ADAMTSL1: variants seen among roughly 807,000 people sequenced by gnomAD.
ADAMTSL1 encodes the protein ADAMTS-like protein 1.
Under a neutral mutation model 201.8 loss-of-function variants are expected in ADAMTSL1, and 126 were observed. That is an observed-to-expected ratio of 0.62 (90% CI 0.54 to 0.72). The LOEUF is 0.72. Among genes scored for constraint, ADAMTSL1 ranks in the 30% least tolerant of loss-of-function variants. The pLI is 0.00. For missense variants in ADAMTSL1, 2,679 were observed against 2,277.8 expected, an observed-to-expected ratio of 1.18 and a Z score of -3.59; for synonymous variants, 1,121 against 903.4, an observed-to-expected ratio of 1.24 and a Z score of -4.32.
At chr9:18,760,886 A>G (rs993642269) in intron 16 of ADAMTSL1, among the ~76,000 whole-genome samples, 9 of 152,108 alleles carry the variant, frequency 5.9e-5, no homozygotes, top group African/African-American at 1.7e-4. Context: ...AGCTTCCCTA[A>G]TTTTCCCAGA....
chr9:18,573,229 C>G (rs949069337), intron 3 of ADAMTSL1: 2 of 154,154 alleles, frequency 1.3e-5, no homozygotes, highest in Non-Finnish European at 2.9e-5. Context: ...TAATAGCTAC[C>G]ATCTACTCAG....
intron 1 of ADAMTSL1, among the ~76,000 whole-genome samples, chr9:17,964,916 G>T (rs1362487669): frequency 6.6e-6 from 1 of 151,950 alleles, no homozygotes; most frequent in Non-Finnish European, 1.5e-5. Context: ...TGTCGCCCAG[G>T]CTAGAGTGCA....
At chr9:18,339,819 T>A (rs987740010) in intron 2 of ADAMTSL1, among the ~76,000 whole-genome samples, 5 of 152,134 alleles carry the variant, frequency 3.3e-5, no homozygotes, top group Non-Finnish European at 7.4e-5. Flanking sequence ...TCTTCAAGAT[T>A]GTCTCATTGT....
intron 2 of ADAMTSL1, among the ~76,000 whole-genome samples, chr9:18,222,673 T>C (rs1022692354): frequency 2.0e-5 from 3 of 151,580 alleles, no homozygotes; most frequent in African/African-American, 7.2e-5. Context: ...CCATTCCTTT[T>C]TTCTTTTTAA....
At chr9:18,227,550 A>G (rs564245817) in intron 2 of ADAMTSL1, among the ~76,000 whole-genome samples, 57 of 152,320 alleles carry the variant, frequency 3.7e-4, no homozygotes, top group African/African-American at 1.1e-3. Context: ...CCTAGCTTAC[A>G]TACATCTAGG....
intron 20 of ADAMTSL1, among the ~76,000 whole-genome samples, chr9:18,809,121 G>A (rs781163268): frequency 1.3e-4 from 20 of 152,288 alleles, no homozygotes; most frequent in Admixed American, 2.0e-4. Flanking sequence ...GGGCTGGGGG[G>A]AGATACACAA....
chr9:18,399,996 T>C (rs1208685499), intron 2 of ADAMTSL1, among the ~76,000 whole-genome samples: 1 of 152,190 alleles, frequency 6.6e-6, no homozygotes, highest in Non-Finnish European at 1.5e-5. Flanking sequence ...GTGATAGTGC[T>C]ATAGTGTGTC....
At chr9:18,422,104 C>A (rs1162714330) in intron 2 of ADAMTSL1, among the ~76,000 whole-genome samples, 1 of 152,104 alleles carries the variant, frequency 6.6e-6, no homozygotes, top group Non-Finnish European at 1.5e-5. Context: ...CTTCATTTCT[C>A]CCTGGTCTCC....
chr9:18,294,150 C>T (rs1043928580), intron 2 of ADAMTSL1, among the ~76,000 whole-genome samples: 20 of 152,130 alleles, frequency 1.3e-4, no homozygotes, highest in Non-Finnish European at 5.9e-5. Context: ...AATTGCCAAC[C>T]TAAAATTTCA....
chr9:18,539,805 A>G (rs1169803952), intron 3 of ADAMTSL1, among the ~76,000 whole-genome samples: 1 of 152,186 alleles, frequency 6.6e-6, no homozygotes, highest in Non-Finnish European at 1.5e-5. Context: ...AGTTATATGC[A>G]TTGTTTTTTC....
At position 18,723,121 on chromosome 9, in the gene ADAMTSL1, G is replaced by A. The variant is rs191894061; in HGVS notation, c.2006+1456G>A. 1,287 of 761,550 alleles carry A rather than the reference G, an allele frequency of 1.7e-3. 8 individuals carry two copies. In the African/African-American group the frequency reaches 0.019, roughly 11 times the overall value. 47.2% of individuals were successfully genotyped at this position (761,550 alleles called of 1,614,324 possible). A position where few individuals can be genotyped will look rare whatever the true frequency, so the allele number is the denominator to read the frequency against. ...TCACCAACTAGCTCTGTGGCCTAGG[G>A]CGAGGTGTCTGCCCTTTATGTTTCC... On this transcript the variant is annotated intron_variant, in intron 15 of 28. Transcript: ENST00000380548.
At chr9:18,632,451 A>C (rs1418696103) in intron 5 of ADAMTSL1, among the ~76,000 whole-genome samples, 1 of 152,208 alleles carries the variant, frequency 6.6e-6, no homozygotes, top group Non-Finnish European at 1.5e-5. Flanking sequence ...TTAGGTATAC[A>C]CGGGGTTAAA....
chr9:18,868,349 A>G (rs539308127), intron 23 of ADAMTSL1, among the ~76,000 whole-genome samples: 1 of 152,096 alleles, frequency 6.6e-6, no homozygotes, highest in Admixed American at 6.5e-5. Flanking sequence ...TTCCTCCTTG[A>G]CTTGTCGAGT....
At chr9:18,027,398 T>A (rs1820748604) in intron 1 of ADAMTSL1, among the ~76,000 whole-genome samples, 1 of 151,912 alleles carries the variant, frequency 6.6e-6, no homozygotes, top group African/African-American at 2.4e-5. Flanking sequence ...TCCCAGAGAT[T>A]TTGTATATTG....
At chr9:18,539,574 C>T (rs1028912842) in intron 3 of ADAMTSL1, among the ~76,000 whole-genome samples, 1 of 152,180 alleles carries the variant, frequency 6.6e-6, no homozygotes, top group Non-Finnish European at 1.5e-5. Flanking sequence ...ACTCTTTGAA[C>T]TATTTGATCA....
chr9:18,542,403 T>G (rs141258252), intron 3 of ADAMTSL1, among the ~76,000 whole-genome samples: 160 of 152,312 alleles, frequency 1.1e-3, no homozygotes, highest in African/African-American at 1.9e-3. Flanking sequence ...ATGTCCTCAT[T>G]CCATTATGTG....
Position 18,049,725 on chromosome 9 carries a change from G to A in ADAMTSL1, c.88-114137G>A, listed in dbSNP as rs552537960. Among the ~76,000 whole-genome samples, 298 of 151,866 alleles carry A rather than the reference G, an allele frequency of 2.0e-3. 2 individuals carry two copies. The highest frequency in any genetic ancestry group is 7.0e-3 in the African/African-American group (289 of 41,414). ...TGCAAGCCCCGCCTCCCGGGTTCAC[G>A]CCATTCTCCCGCCTCAGCCTCCCAA... On this transcript the variant is annotated intron_variant, in intron 1 of 29. Transcript: ENST00000680146.
chr9:18,450,100 C>T (rs568680679), intron 2 of ADAMTSL1, among the ~76,000 whole-genome samples: 3 of 152,132 alleles, frequency 2.0e-5, no homozygotes, highest in Non-Finnish European at 4.4e-5. Flanking sequence ...TATTCATAAT[C>T]ACCAAGAACT....
At chr9:18,663,669 G>A (rs1829250209) in intron 9 of ADAMTSL1, among the ~76,000 whole-genome samples, 1 of 151,950 alleles carries the variant, frequency 6.6e-6, no homozygotes, top group South Asian at 2.1e-4. Context: ...TGTATTTCTA[G>A]GAGAAATGAC....
Sources: allele counts gnomAD v4.1 joint callset (sites outside exome capture counted in the v4.1 genomes callset), GRCh38; gene constraint gnomAD v4.1.1; transcripts MANE v1.5; gene names NCBI Gene and HGNC (gene_info 2026-07-23, HGNC 2026-07-21).